Variants in DOCK10 observed in about 807,000 individuals in gnomAD.
The protein encoded by DOCK10 is dedicator of cytokinesis protein 10.
Under a neutral mutation model 280.1 loss-of-function variants are expected in DOCK10, and 145 were observed. The ratio of observed to expected loss-of-function variants is 0.52; its 90% CI spans 0.45 to 0.59. The LOEUF is 0.59. Among genes scored for constraint, DOCK10 ranks in the 20% least tolerant of loss-of-function variants. The pLI is 0.00. For missense variants in DOCK10, 2,368 were observed against 2,651.7 expected (o/e 0.89, Z 2.35); for synonymous variants, 915 against 942.2 (o/e 0.97, Z 0.53).
intron 3 of DOCK10, among the ~76,000 whole-genome samples, chr2:224,908,068 C>A (rs1700768433): frequency 1.4e-5 from 2 of 139,660 alleles, no homozygotes; most frequent in Admixed American, 1.4e-4. Context: ...GTGTATGTTT[C>A]TATGTGTGTG....
In DOCK10 at chr2:224,834,275, C is replaced by T. The variant is rs1013683603; in HGVS notation, c.2851-12G>A. ...GTCTTGAACACGAACTGAAGAAAATCCAAAAAGTGAATAAAGTTAAATACT... is the reference window on the plus strand; with the variant it reads ...GTCTTGAACACGAACTGAAGAAAATTCAAAAAGTGAATAAAGTTAAATACT... On this transcript the variant is annotated splice_polypyrimidine_tract_variant and intron_variant, in intron 25 of 55. Coordinates refer to ENST00000258390, the MANE Select transcript of DOCK10 (RefSeq NM_014689.3). 8 of 1,448,328 alleles carry T rather than the reference C, an allele frequency of 5.5e-6. No individual in the cohort carries two copies. Among genetic ancestry groups the T allele is most frequent in the Middle Eastern group, 1.7e-4 (1 of 5,816 alleles). 89.7% of individuals were successfully genotyped at this position (1,448,328 alleles called of 1,614,324 possible).
rs139760578 is a variant in DOCK10 at position 224,770,887 on chromosome 2, AT to A, written c.6205-243del. Among the ~76,000 whole-genome samples, 4,591 of 141,244 alleles carry A rather than the reference AT, an allele frequency of 0.033. 172 individuals carry two copies. The highest frequency in any genetic ancestry group is 0.094 in the African/African-American group (3,677 of 39,144). 92.7% of individuals were successfully genotyped at this position (141,244 alleles called of 152,430 possible). A position where few individuals can be genotyped will look rare whatever the true frequency, so the allele number is the denominator to read the frequency against. ...TTCAGTCCTTTGCCAACCCCTTCAC[AT>A]TTTTTTTTTTTGTCATATCTGTACG... On this transcript the variant is annotated intron_variant, in intron 53 of 55. Coordinates refer to ENST00000258390, the MANE Select transcript of DOCK10 (RefSeq NM_014689.3). This position sits in a 1 kb window ranked among gnomAD's most constrained non-coding sequence, Gnocchi z 4.5.
rs776860014 is a variant in DOCK10, at chr2:224,852,383, G to A, written c.2136C>T (p.Pro712=). 2 of 1,571,362 alleles carry A rather than the reference G, an allele frequency of 1.3e-6. No homozygotes were observed. Among genetic ancestry groups the A allele is most frequent in the Non-Finnish European group, 1.7e-6 (2 of 1,157,146 alleles). The change falls in exon 18 of 56, where the codon CCC becomes CCT. Residue 712 remains proline, a synonymous_variant. Coordinates refer to ENST00000258390, the MANE Select transcript of DOCK10 (RefSeq NM_014689.3). ...FKNSDEESAK[P]LKCIYGKPGG... is the part of the protein sequence containing the mutation. ...CTTTGCTGACTTGGCTCACCTTCAGGGGCTTGGCACTTTCTTCATCTGAAT... is the reference window on the plus strand; with the variant it reads ...CTTTGCTGACTTGGCTCACCTTCAGAGGCTTGGCACTTTCTTCATCTGAAT...
At chr2:224,982,816 G>A (rs1432244536) in intron 1 of DOCK10, among the ~76,000 whole-genome samples, 2 of 150,546 alleles carry the variant, frequency 1.3e-5, no homozygotes, top group African/African-American at 2.5e-5. Context: ...TTTTATAAAC[G>A]TAAACACTTC....
At position 224,931,645 on chromosome 2, in the gene DOCK10, C is replaced by T. The variant is rs747530815; in HGVS notation, c.147G>A (p.Glu49=). 3 of 1,608,806 alleles carry T rather than the reference C, an allele frequency of 1.9e-6. No homozygotes were observed. Among genetic ancestry groups the T allele is most frequent in the Non-Finnish European group, 2.5e-6 (3 of 1,177,486 alleles). Residue 49 remains glutamate, a synonymous_variant, in exon 2 of 56, where the codon GAG becomes GAA. Transcript: ENST00000258390. ...QQRQEKPRLL[E]PLDYETVIEE... is the part of the protein sequence containing the mutation. ...CAATGACAGTCTCATAATCCAAAGG[C>T]TCGAGAAGCCTAGGCTTTTCTTGCT...
intron 1 of DOCK10, among the ~76,000 whole-genome samples, chr2:224,980,904 T>G (rs1705711713): frequency 6.6e-6 from 1 of 152,140 alleles, no homozygotes; most frequent in Admixed American, 6.5e-5. Context: ...TATGACTAGG[T>G]GAATAGTTTT....
intron 1 of DOCK10, among the ~76,000 whole-genome samples, chr2:224,967,302 T>C (rs183620899): frequency 6.6e-6 from 1 of 152,076 alleles, no homozygotes; most frequent in South Asian, 2.1e-4. Flanking sequence ...GGATGGTCTT[T>C]ATCTCCTGAC....
rs573169805 is a variant in DOCK10 at position 225,006,854 on chromosome 2, A to G, written c.123+35398T>C. Among the ~76,000 whole-genome samples the G allele has an allele frequency of 4.1e-4, 63 of 152,318 alleles. 1 individual carries two copies. The highest frequency in any genetic ancestry group is 1.5e-3 in the African/African-American group (61 of 41,570). ...TGAACCTTGAAAAGGGGGAAATAAA[A>G]TCCCCAGTTTTAAGACAGTACTAGC... On this transcript the variant is annotated intron_variant, in intron 1 of 55. Coordinates refer to ENST00000258390, the MANE Select transcript of DOCK10 (RefSeq NM_014689.3).
At chr2:224,978,507 G>A (rs1045703052) in intron 1 of DOCK10, among the ~76,000 whole-genome samples, 14 of 152,260 alleles carry the variant, frequency 9.2e-5, no homozygotes, top group Admixed American at 3.9e-4. Context: ...ATTAGGAAGC[G>A]ATTGCTCTGG....
rs1281008251 is a variant in DOCK10, at chr2:225,000,215, CACACACACAG to C, written c.123+42027_123+42036del. 1.1e-4 allele frequency among the ~76,000 whole-genome samples: 12 copies of C among 114,242 alleles called. No individual in the cohort carries two copies. The East Asian group carries it at 3.3e-3, about 32-fold the overall frequency. 74.9% of individuals were successfully genotyped at this position (114,242 alleles called of 152,430 possible). ...TCACACACACACACAGACACACACACACACACACAGACACACACACACACACACATGCAAT... is the reference window on the plus strand; with the variant it reads ...TCACACACACACACAGACACACACACACACACACACACACACACATGCAAT... On this transcript the variant is annotated intron_variant, in intron 1 of 55. Coordinates refer to ENST00000258390, the MANE Select transcript of DOCK10 (RefSeq NM_014689.3).
At chr2:224,866,121 A>G (rs763654115) in intron 11 of DOCK10, among the ~76,000 whole-genome samples, 3 of 152,194 alleles carry the variant, frequency 2.0e-5, no homozygotes, top group Non-Finnish European at 4.4e-5. Context: ...AGTTGACTCA[A>G]TAATGCCTCT....
At chr2:224,833,726 A>T (rs1295137849) in intron 26 of DOCK10, among the ~76,000 whole-genome samples, 1 of 151,734 alleles carries the variant, frequency 6.6e-6, no homozygotes, top group Non-Finnish European at 1.5e-5. Flanking sequence ...GGCTCACTGC[A>T]ACCTCTGCCT....
At chr2:224,870,765 CATT>C (rs1406840530) in intron 11 of DOCK10, among the ~76,000 whole-genome samples, 1 of 147,560 alleles carries the variant, frequency 6.8e-6, no homozygotes, top group East Asian at 2.0e-4. Context: ...CAACCAACAT[CATT>C]GTCTGAACTA....
intron 1 of DOCK10, among the ~76,000 whole-genome samples, chr2:224,961,412 C>CTCTTTCTCTTTCTTTCTT (rs1553623606): frequency 9.6e-4 from 115 of 119,458 alleles, no homozygotes; most frequent in African/African-American, 3.7e-3. Flanking sequence ...TTCTTTCTTT[C>CTCTTTCTCTTTCTTTCTT]TCTTTCTTTC....
intron 31 of DOCK10, among the ~76,000 whole-genome samples, chr2:224,810,886 G>A (rs1173240457): frequency 6.6e-6 from 1 of 151,882 alleles, no homozygotes; most frequent in Non-Finnish European, 1.5e-5. Context: ...GTCTATCATT[G>A]TTGGACATTT....
Position 224,805,385 on chromosome 2 carries a change from T to C in DOCK10, c.3936+23A>G, listed in dbSNP as rs1016388906. The C allele has an allele frequency of 3.1e-6, 5 of 1,612,676 alleles. No homozygotes were observed. In the African/African-American group the frequency reaches 6.7e-5, roughly 22 times the overall value. Reference sequence around the variant, plus strand: ...GTGACCTCTGCCTTGTAATGATCAGTAGGTTTGAGAGGGAAGTCATACCTT... The same window carrying C: ...GTGACCTCTGCCTTGTAATGATCAGCAGGTTTGAGAGGGAAGTCATACCTT... On this transcript the variant is annotated intron_variant, in intron 35 of 55. Coordinates refer to ENST00000258390, the MANE Select transcript of DOCK10 (RefSeq NM_014689.3). This position sits in a 1 kb window ranked among gnomAD's most constrained non-coding sequence, Gnocchi z 4.3.
chr2:224,863,949 C>T (rs879372563), intron 13 of DOCK10, among the ~76,000 whole-genome samples: 3 of 152,148 alleles, frequency 2.0e-5, no homozygotes, highest in Non-Finnish European at 4.4e-5. Flanking sequence ...TTGCTGATGT[C>T]TCATTCACTT....
chr2:224,985,041 G>T (rs1049574278), intron 1 of DOCK10, among the ~76,000 whole-genome samples: 1 of 151,928 alleles, frequency 6.6e-6, no homozygotes, highest in African/African-American at 2.4e-5. Context: ...TTAAGATTAG[G>T]TATAAACTCT....
Position 225,042,368 on chromosome 2 carries a change from C to G in DOCK10, c.7G>C (p.Gly3Arg), listed in dbSNP as rs1385966094. Residue 3 changes from glycine (G) to arginine (R), a missense_variant, in exon 1 of 56, where the codon GGT (glycine) becomes CGT (arginine). Around this residue, in one of 2 missense-constraint regions of DOCK10, gnomAD observed 1,209 missense variants for 1,250.9 expected, o/e 0.97. Coordinates refer to ENST00000258390, the MANE Select transcript of DOCK10 (RefSeq NM_014689.3). The surrounding 1 kb of genome is among the most constrained non-coding windows in gnomAD (Gnocchi z 5.1). ...CGGGTGAACCTGCGGGTCCGCTCACCGGCCATCGCCGGTCACGCCAATCGC... is the reference window on the plus strand; with the variant it reads ...CGGGTGAACCTGCGGGTCCGCTCACGGGCCATCGCCGGTCACGCCAATCGC... MAGERTRRFTRSL... is the reference protein window; with the variant it reads MARERTRRFTRSL... 8.0e-7 allele frequency: 1 copy of G among 1,257,620 alleles called. No homozygotes were observed. The highest frequency in any genetic ancestry group is 1.6e-5 in the African/African-American group (1 of 64,248). The allele number at this position is 1,257,620 out of a possible 1,614,324, so 77.9% of individuals were successfully genotyped here.
Sources: allele counts gnomAD v4.1 joint callset (sites outside exome capture counted in the v4.1 genomes callset), GRCh38; gene constraint gnomAD v4.1.1; regional missense constraint gnomAD v4.1.1; non-coding constraint Gnocchi (gnomAD v3.1); transcripts MANE v1.5; gene names NCBI Gene and HGNC (gene_info 2026-07-23, HGNC 2026-07-21).